Variants in CD226 observed in about 807,000 individuals in gnomAD.
CD226 encodes the protein CD226 antigen.
In CD226, 24 loss-of-function variants were observed where a neutral mutation model predicts 34.9. That is an observed-to-expected ratio of 0.69 (90% confidence interval 0.50 to 0.97). CD226 has a LOEUF of 0.97. Among genes scored for constraint, CD226 ranks in the 50% least tolerant of loss-of-function variants. The pLI, the probability that CD226 is intolerant of heterozygous loss-of-function variation, is 0.00. For missense variants in CD226, 397 were observed against 412.7 expected (o/e 0.96, Z 0.33); for synonymous variants, 148 against 147.4 (o/e 1.00, Z -0.03).
At position 69,863,446 on chromosome 18, in the gene CD226, T is replaced by A. The variant is rs946465076; in HGVS notation, c.*868A>T. 6.6e-6 allele frequency: 1 copy of A among 152,214 alleles called. No individual in the cohort carries two copies. Among genetic ancestry groups the A allele is most frequent in the African/African-American group, 2.4e-5 (1 of 41,464 alleles). 9.4% of individuals were successfully genotyped at this position (152,214 alleles called of 1,614,324 possible). A position where few individuals can be genotyped will look rare whatever the true frequency, so the allele number is the denominator to read the frequency against. Reference sequence around the variant, plus strand: ...CAAGAATTCTATACAGAATGAGAGATAAATAAATATGAGAATAGTAAAGGA... The same window carrying A: ...CAAGAATTCTATACAGAATGAGAGAAAAATAAATATGAGAATAGTAAAGGA... On this transcript the variant is annotated 3_prime_UTR_variant, in exon 6 of 6. Transcript: ENST00000582621.
chr18:69,874,340 C>T (rs1447324698), intron 3 of CD226, among the ~76,000 whole-genome samples: 2 of 152,212 alleles, frequency 1.3e-5, no homozygotes, highest in Non-Finnish European at 2.9e-5. Context: ...GCCCACAACA[C>T]ACCTCTCACC....
At chr18:69,880,782 G>C (rs919323322) in intron 3 of CD226, among the ~76,000 whole-genome samples, 1 of 151,708 alleles carries the variant, frequency 6.6e-6, no homozygotes, top group African/African-American at 2.4e-5. Flanking sequence ...CCCCTGAGTA[G>C]CTGGGACTAC....
At position 69,873,745 on chromosome 18, in the gene CD226, C is replaced by A. The variant is rs568858794; in HGVS notation, c.728-499G>T. 9.7e-4 allele frequency among the ~76,000 whole-genome samples: 147 copies of A among 152,194 alleles called. 1 individual carries two copies. Among genetic ancestry groups the A allele is most frequent in the Middle Eastern group, 3.4e-3 (1 of 294 alleles). ...AGTGATCCCAGTGTGGTGGTGCATG[C>A]CTATAATCCCAGCTACTCATTAGGC... is the stretch of plus-strand genomic sequence containing the variant. On this transcript the variant is annotated intron_variant, in intron 3 of 5. Coordinates refer to ENST00000582621, the MANE Select transcript of CD226 (RefSeq NM_001303618.2).
upstream of CD226, among the ~76,000 whole-genome samples, chr18:69,950,279 C>T (rs1192351865): frequency 6.6e-6 from 1 of 152,216 alleles, no homozygotes; most frequent in Non-Finnish European, 1.5e-5. Flanking sequence ...CTCTCTCACA[C>T]ACATACTGCA....
chr18:69,874,436 A>G (rs1320378643), intron 3 of CD226, among the ~76,000 whole-genome samples: 4 of 152,064 alleles, frequency 2.6e-5, no homozygotes, highest in Non-Finnish European at 2.9e-5. Flanking sequence ...CTGAAATGAA[A>G]CCCAATGGTC....
intron 2 of CD226, among the ~76,000 whole-genome samples, chr18:69,902,099 G>A (rs932849866): frequency 3.3e-5 from 5 of 152,088 alleles, no homozygotes; most frequent in Admixed American, 2.6e-4. Flanking sequence ...AATCAGAAAC[G>A]CAAGAAACTA....
At chr18:69,952,754 C>T (rs927162847), upstream of CD226, among the ~76,000 whole-genome samples, 16 of 152,264 alleles carry the variant, frequency 1.1e-4, no homozygotes, top group African/African-American at 3.6e-4. Flanking sequence ...ATTGGACTTA[C>T]TAAAATTAAA....
chr18:69,950,501 C>A (rs142351544), upstream of CD226, among the ~76,000 whole-genome samples: 1 of 152,234 alleles, frequency 6.6e-6, no homozygotes, highest in African/African-American at 2.4e-5. Context: ...TGCAGCCAAG[C>A]AGAGGCTGTG....
At chr18:69,948,000 G>C (rs1452095620), upstream of CD226, 5 of 151,972 alleles carry the variant, frequency 3.3e-5, no homozygotes, top group Admixed American at 3.3e-4. Context: ...CTTTGATGAG[G>C]ACCAAAAAAC....
intron 2 of CD226, among the ~76,000 whole-genome samples, chr18:69,897,730 A>C (rs1201330052): frequency 6.6e-6 from 1 of 152,220 alleles, no homozygotes; most frequent in Non-Finnish European, 1.5e-5. Context: ...GAAACAAAAG[A>C]GATGTCACAT....
intron 2 of CD226, among the ~76,000 whole-genome samples, chr18:69,900,575 A>AC (rs1397404598): frequency 4.6e-5 from 7 of 151,398 alleles, no homozygotes; most frequent in Non-Finnish European, 8.8e-5. Flanking sequence ...TACTAAAAAT[A>AC]CAAAAAATTA....
At chr18:69,914,251 G>C (rs755340164) in intron 2 of CD226, among the ~76,000 whole-genome samples, 26 of 152,268 alleles carry the variant, frequency 1.7e-4, no homozygotes, top group Non-Finnish European at 3.4e-4. Context: ...TGATGAGTTT[G>C]ATGAGATCTT....
Position 69,932,226 on chromosome 18 carries a change from C to A in CD226, c.382+14508G>T, listed in dbSNP as rs189510950. Among the ~76,000 whole-genome samples the A allele has an allele frequency of 3.3e-5, 5 of 152,312 alleles. No homozygotes were observed. In the East Asian group the frequency reaches 9.6e-4, roughly 29 times the overall value. On this transcript the variant is annotated intron_variant, in intron 2 of 5. Transcript: ENST00000582621. ...TCTTACTTCCAATCTCTCTTCTAAA[C>A]CCTGTCTGAGTGCTCTTTCTAACTG...
chr18:69,894,020 A>G (rs1985057714), intron 3 of CD226, among the ~76,000 whole-genome samples: 1 of 152,032 alleles, frequency 6.6e-6, no homozygotes, highest in South Asian at 2.1e-4. Context: ...AGTCTAACAT[A>G]AGTCAAAGGT....
upstream of CD226, chr18:69,961,515 T>A (rs560135260): frequency 1.3e-5 from 2 of 152,042 alleles, no homozygotes; most frequent in African/African-American, 4.8e-5. Flanking sequence ...AACACACATA[T>A]CCCCATGAAA....
At chr18:69,882,369 C>T (rs570181796) in intron 3 of CD226, among the ~76,000 whole-genome samples, 4 of 152,288 alleles carry the variant, frequency 2.6e-5, no homozygotes, top group South Asian at 2.1e-4. Context: ...GTTTTACCTA[C>T]ACAATATAGA....
intron 3 of CD226, among the ~76,000 whole-genome samples, chr18:69,881,759 G>A (rs1984278035): frequency 1.3e-5 from 2 of 152,236 alleles, no homozygotes; most frequent in South Asian, 4.2e-4. Context: ...CTGGGGAAAG[G>A]CACAGGTACT....
chr18:69,915,092 T>C (rs1191837489), intron 2 of CD226, among the ~76,000 whole-genome samples: 1 of 152,208 alleles, frequency 6.6e-6, no homozygotes, highest in African/African-American at 2.4e-5. Flanking sequence ...TTTCACCATT[T>C]CATTTTATCC....
chr18:69,953,587 G>A (rs1568211878), intron 1 of CD226, among the ~76,000 whole-genome samples: 1 of 152,220 alleles, frequency 6.6e-6, no homozygotes, highest in Admixed American at 6.5e-5. Flanking sequence ...GGAATAGGGA[G>A]TGACTGTTTA....
Sources: allele counts gnomAD v4.1 joint callset (sites outside exome capture counted in the v4.1 genomes callset), GRCh38; gene constraint gnomAD v4.1.1; transcripts MANE v1.5; gene names NCBI Gene and HGNC (gene_info 2026-07-23, HGNC 2026-07-21).